Variants in DAB1 observed in about 807,000 individuals in gnomAD.
The protein encoded by DAB1 is disabled homolog 1.
In DAB1, 15 loss-of-function variants were observed where a neutral mutation model predicts 64.6. The ratio of observed to expected loss-of-function variants is 0.23; its 90% CI spans 0.16 to 0.36. The LOEUF (loss-of-function observed/expected upper bound fraction) is 0.36. DAB1 is among the 10% of genes least tolerant of loss of function. The pLI is 1.00. For missense variants in DAB1, 596 were observed against 706.7 expected (o/e 0.84, Z 1.78); for synonymous variants, 235 against 251.9 (o/e 0.93, Z 0.64).
At chr1:57,471,144 C>T (rs141085429) in intron 7 of DAB1, among the ~76,000 whole-genome samples, 359 of 152,200 alleles carry the variant, frequency 2.4e-3, no homozygotes, top group African/African-American at 7.9e-3. Context: ...CTTCTTTTTC[C>T]AGATATTTAA....
chr1:57,455,310 C>T (rs959602145), intron 7 of DAB1, among the ~76,000 whole-genome samples: 2 of 152,104 alleles, frequency 1.3e-5, no homozygotes, highest in African/African-American at 4.8e-5. Context: ...ATTTAATTTT[C>T]ACAGACCTGA....
chr1:57,284,602 A>C (rs1410761525), intron 2 of DAB1, among the ~76,000 whole-genome samples: 2 of 152,190 alleles, frequency 1.3e-5, no homozygotes, highest in African/African-American at 4.8e-5. Flanking sequence ...GATTGACCCC[A>C]GGCTGCCTCC....
At chr1:57,380,738 A>G in intron 1 of DAB1, among the ~76,000 whole-genome samples, 1 of 152,208 alleles carries the variant, frequency 6.6e-6, no homozygotes, top group East Asian at 1.9e-4. Context: ...GGGTTTGTCT[A>G]AAGTGAATCC....
chr1:58,269,016 A>T (rs1028954596), intron 4 of DAB1, among the ~76,000 whole-genome samples: 10 of 22,294 alleles, frequency 4.5e-4, no homozygotes, highest in East Asian at 1.8e-3. Flanking sequence ...TTTTTTATTT[A>T]TTTTTTTTTT....
intron 5 of DAB1, among the ~76,000 whole-genome samples, chr1:58,098,291 G>C (rs1651110969): frequency 6.6e-6 from 1 of 152,136 alleles, no homozygotes. Flanking sequence ...CAAGCAAAGG[G>C]AAAACAGGAA....
chr1:58,199,357 C>T (rs1474970924), intron 4 of DAB1, among the ~76,000 whole-genome samples: 4 of 152,134 alleles, frequency 2.6e-5, no homozygotes, highest in Non-Finnish European at 5.9e-5. Context: ...TTATATATTC[C>T]TCATTCATAA....
At chr1:58,325,950 C>G (rs1199630311) in intron 4 of DAB1, among the ~76,000 whole-genome samples, 1 of 152,192 alleles carries the variant, frequency 6.6e-6, no homozygotes, top group Non-Finnish European at 1.5e-5. Context: ...CCCATGGTTG[C>G]AGCAGACTTC....
intron 2 of DAB1, among the ~76,000 whole-genome samples, chr1:57,150,796 G>C (rs771768838): frequency 2.6e-5 from 4 of 152,148 alleles, no homozygotes; most frequent in African/African-American, 4.8e-5. Context: ...AGAACAGTGA[G>C]TAGTTGGCTT....
chr1:57,018,575 G>T (rs536943972), intron 11 of DAB1, among the ~76,000 whole-genome samples: 3 of 152,120 alleles, frequency 2.0e-5, no homozygotes, highest in African/African-American at 4.8e-5. Flanking sequence ...TAATAAGAAG[G>T]GGGTGCTGGG....
intron 5 of DAB1, among the ~76,000 whole-genome samples, chr1:57,908,548 T>C (rs1644592681): frequency 6.6e-6 from 1 of 152,160 alleles, no homozygotes; most frequent in Admixed American, 6.5e-5. Context: ...ACTGCAGATC[T>C]GAGTGAAGAG....
intron 7 of DAB1, among the ~76,000 whole-genome samples, chr1:57,551,039 T>G (rs998370101): frequency 6.6e-6 from 1 of 152,168 alleles, no homozygotes; most frequent in Non-Finnish European, 1.5e-5. Flanking sequence ...TTGTCCAAAA[T>G]TACACCAAGT....
At chr1:57,377,134 G>T (rs2100955953) in intron 1 of DAB1, among the ~76,000 whole-genome samples, 1 of 152,264 alleles carries the variant, frequency 6.6e-6, no homozygotes, top group African/African-American at 2.4e-5. Context: ...GCTGGGCATG[G>T]TGGCACGTGC....
intron 11 of DAB1, among the ~76,000 whole-genome samples, chr1:57,021,558 T>TC (rs1460677582): frequency 1.3e-5 from 2 of 152,168 alleles, no homozygotes; most frequent in Non-Finnish European, 2.9e-5. Flanking sequence ...TGTAAGACAT[T>TC]CCTTTGCTCC....
rs148901102 is a variant in DAB1 at position 58,230,245 on chromosome 1, A to G, written n.310-79657T>C. On this transcript the variant is annotated intron_variant and non_coding_transcript_variant, in intron 4 of 20. Transcript: ENST00000485760. The stretch of plus-strand genomic sequence containing the variant: ...TCTCACTTCCAATCCATCCTCCTAA[A>G]GGCCAGCTGGTCTGGGAATAAAACA... Among the ~76,000 whole-genome samples, 706 of 152,304 alleles carry G rather than the reference A, an allele frequency of 4.6e-3. 3 individuals carry two copies. Among genetic ancestry groups the G allele is most frequent in the African/African-American group, 0.016 (662 of 41,560 alleles).
Position 57,970,645 on chromosome 1 carries a change from C to A in DAB1, n.388-86483G>T, listed in dbSNP as rs567521802. Among the ~76,000 whole-genome samples, 8 of 152,240 alleles carry A rather than the reference C, an allele frequency of 5.3e-5. No homozygotes were observed. In the South Asian group the frequency reaches 1.7e-3, roughly 32 times the overall value. On this transcript the variant is annotated intron_variant and non_coding_transcript_variant, in intron 5 of 20. Transcript: ENST00000485760. ...GCTTAATCAACATGAATAAGAAATA[C>A]TTTCCCTTTGAATCCAAAGCTCACA...
chr1:57,287,019 T>C (rs1323878141), intron 2 of DAB1, among the ~76,000 whole-genome samples: 1 of 152,230 alleles, frequency 6.6e-6, no homozygotes, highest in East Asian at 1.9e-4. Context: ...AAATTTAGAA[T>C]TTAAAAACAC....
intron 7 of DAB1, among the ~76,000 whole-genome samples, chr1:57,649,308 G>C (rs1646229032): frequency 6.6e-6 from 1 of 152,096 alleles, no homozygotes; most frequent in Non-Finnish European, 1.5e-5. Flanking sequence ...TAAAACAGAG[G>C]CAGGAAAACC....
chr1:57,530,829 T>G (rs1644654302), intron 7 of DAB1, among the ~76,000 whole-genome samples: 1 of 152,060 alleles, frequency 6.6e-6, no homozygotes, highest in South Asian at 2.1e-4. Flanking sequence ...AGGAAGGCAT[T>G]AAAAAGCATG....
intron 5 of DAB1, among the ~76,000 whole-genome samples, chr1:58,143,397 A>T (rs1654395409): frequency 6.6e-6 from 1 of 152,206 alleles, no homozygotes; most frequent in South Asian, 2.1e-4. Flanking sequence ...GTTGCAAAAG[A>T]TTATGCTACA....
Sources: gnomAD v4.1 joint callset for allele counts (sites outside exome capture counted in the v4.1 genomes callset) on GRCh38, gnomAD v4.1.1 for gene constraint, MANE v1.5 for transcripts, NCBI Gene and HGNC (gene_info 2026-07-23, HGNC 2026-07-21) for gene names.